Variants in SLIT2 observed in about 807,000 individuals in gnomAD.
The protein encoded by SLIT2 is slit homolog 2 protein.
A neutral mutation model predicts 185.7 loss-of-function variants in SLIT2; 41 were observed. The observed-to-expected ratio is 0.22, with a 90% CI of 0.17 to 0.29. SLIT2 has a LOEUF of 0.29. SLIT2 is among the 10% of genes least tolerant of loss of function. The pLI, the probability that SLIT2 is intolerant of heterozygous loss-of-function variation, is 1.00. For missense variants in SLIT2, 1,571 were observed against 1,909.0 expected (o/e 0.82, Z 3.30); for synonymous variants, 693 against 680.2 (o/e 1.02, Z -0.29).
intron 5 of SLIT2, among the ~76,000 whole-genome samples, chr4:20,472,380 A>AAGCCT (rs1560453603): frequency 5.3e-5 from 2 of 37,460 alleles, no homozygotes; most frequent in African/African-American, 2.4e-4. Context: ...CTATATCTAT[A>AAGCCT]TATATGTAGA....
rs370122919 is a variant in SLIT2 at position 20,354,886 on chromosome 4, CGTGTGTGT to C, written c.395+86019_395+86026del. Among the ~76,000 whole-genome samples, 420 of 135,986 alleles carry C rather than the reference CGTGTGTGT, an allele frequency of 3.1e-3. 1 individual carries two copies. The highest frequency in any genetic ancestry group is 4.3e-3 in the Non-Finnish European group (274 of 64,172). 89.2% of individuals were successfully genotyped at this position (135,986 alleles called of 152,430 possible). A position where few individuals can be genotyped will look rare whatever the true frequency, so the allele number is the denominator to read the frequency against. ...AAAATGGACACGTGTGGCAAGTCTG[CGTGTGTGT>C]GTGTGTGTGTGTGAGAGAGAGAGAG... On this transcript the variant is annotated intron_variant, in intron 4 of 36. Coordinates refer to ENST00000504154, the MANE Select transcript of SLIT2 (RefSeq NM_004787.4).
At chr4:20,304,288 AAAGG>A (rs1278001626) in intron 4 of SLIT2, among the ~76,000 whole-genome samples, 1 of 152,306 alleles carries the variant, frequency 6.6e-6, no homozygotes, top group East Asian at 1.9e-4. Context: ...AAAACGAAAG[AAAGG>A]AAGGAAAAAA....
At chr4:20,302,703 C>T (rs1717169423) in intron 4 of SLIT2, among the ~76,000 whole-genome samples, 1 of 152,002 alleles carries the variant, frequency 6.6e-6, no homozygotes, top group African/African-American at 2.4e-5. Context: ...ATCCAGTGAC[C>T]AAGAGAGGAG....
intron 24 of SLIT2, among the ~76,000 whole-genome samples, chr4:20,550,591 A>G (rs1723651492): frequency 6.6e-6 from 1 of 152,028 alleles, no homozygotes; most frequent in Non-Finnish European, 1.5e-5. Flanking sequence ...TTTTCTTTTA[A>G]TACATTTTTA....
intron 4 of SLIT2, among the ~76,000 whole-genome samples, chr4:20,303,034 A>G (rs1045202256): frequency 2.6e-5 from 4 of 152,200 alleles, no homozygotes; most frequent in African/African-American, 9.7e-5. Flanking sequence ...AAAGTTTAAG[A>G]CATATTTTAT....
chr4:20,595,724 T>C lies in SLIT2; in HGVS notation c.3210T>C (p.Gly1070=). 1 of 1,614,144 alleles carries C rather than the reference T, an allele frequency of 6.2e-7. No individual in the cohort carries two copies. Among genetic ancestry groups the C allele is most frequent in the Non-Finnish European group, 8.5e-7 (1 of 1,180,010 alleles). The change falls in exon 31 of 37, where the codon GGT becomes GGC. Residue 1070 remains glycine, a synonymous_variant. Coordinates refer to ENST00000504154, the MANE Select transcript of SLIT2 (RefSeq NM_004787.4). The stretch of plus-strand genomic sequence containing the variant: ...GTGACTGCACACCAGGGTACGTAGG[T>C]GAACACTGCGACATCGATTTTGACG... ...FKCDCTPGYV[G]EHCDIDFDDC...
chr4:20,434,237 C>G (rs1011343237), intron 4 of SLIT2, among the ~76,000 whole-genome samples: 1 of 152,164 alleles, frequency 6.6e-6, no homozygotes, highest in East Asian at 1.9e-4. Context: ...CCTGTAATCC[C>G]AGCACTTTGG....
chr4:20,507,392 G>C (rs1719311616), intron 9 of SLIT2, among the ~76,000 whole-genome samples: 1 of 151,760 alleles, frequency 6.6e-6, no homozygotes, highest in African/African-American at 2.4e-5. Context: ...AAATTTTCCA[G>C]GGAAAATCTT....
intron 4 of SLIT2, among the ~76,000 whole-genome samples, chr4:20,455,082 T>C (rs1712914270): frequency 6.6e-6 from 1 of 152,176 alleles, no homozygotes; most frequent in African/African-American, 2.4e-5. Context: ...TACATTCAGC[T>C]CTGTTATTAG....
intron 9 of SLIT2, among the ~76,000 whole-genome samples, chr4:20,501,744 T>G (rs1482755193): frequency 6.6e-6 from 1 of 152,234 alleles, no homozygotes; most frequent in African/African-American, 2.4e-5. Context: ...GAGTTCACTA[T>G]TAATCATTTG....
chr4:20,390,939 G>GA (rs1725367868), intron 4 of SLIT2, among the ~76,000 whole-genome samples: 1 of 151,674 alleles, frequency 6.6e-6, no homozygotes, highest in African/African-American at 2.4e-5. Flanking sequence ...AAGTTCATTG[G>GA]AAAAAATACA....
chr4:20,397,511 A>G (rs115135135), intron 4 of SLIT2, among the ~76,000 whole-genome samples: 144 of 151,868 alleles, frequency 9.5e-4, no homozygotes, highest in African/African-American at 3.2e-3. Flanking sequence ...CTTCCAGGGA[A>G]TGCTGCGTTG....
chr4:20,364,301 A>G, intron 4 of SLIT2: 9 of 983,988 alleles, frequency 9.1e-6, no homozygotes, highest in African/African-American at 1.7e-5. Flanking sequence ...ATTAATTTCA[A>G]TAATGGTTCA....
intron 4 of SLIT2, among the ~76,000 whole-genome samples, chr4:20,441,419 C>T (rs1729727076): frequency 6.6e-6 from 1 of 151,930 alleles, no homozygotes; most frequent in Admixed American, 6.6e-5. Flanking sequence ...AGCTTGCTTG[C>T]CCCCAGTGTG....
chr4:20,345,537 C>CTTTTTTTTTTTTTT (rs149402460), intron 4 of SLIT2, among the ~76,000 whole-genome samples: 2 of 112,318 alleles, frequency 1.8e-5, no homozygotes, highest in African/African-American at 7.0e-5. Context: ...TTCCTTTTTT[C>CTTTTTTTTTTTTTT]TTTTTTCTTT....
chr4:20,606,283 C>A lies in SLIT2; in HGVS notation c.3693-3730C>A, dbSNP rs559446522. On this transcript the variant is annotated intron_variant, in intron 33 of 36. Transcript: ENST00000504154. ...GCCAAGCCAGGAAGATCACTTGAGA[C>A]CAGCCTGGGAAACATGGCAATACCC... is the stretch of plus-strand genomic sequence containing the variant. Among the ~76,000 whole-genome samples the A allele has an allele frequency of 8.5e-5, 13 of 152,170 alleles. No individual in the cohort carries two copies. In the South Asian group the frequency reaches 2.7e-3, roughly 32 times the overall value.
intron 4 of SLIT2, among the ~76,000 whole-genome samples, chr4:20,451,928 G>T (rs190937995): frequency 6.6e-6 from 1 of 152,294 alleles, no homozygotes; most frequent in Admixed American, 6.5e-5. Flanking sequence ...TAAGTATGAT[G>T]AGTTAAAATA....
At chr4:20,536,819 A>G (rs1722342989) in intron 18 of SLIT2, among the ~76,000 whole-genome samples, 1 of 151,162 alleles carries the variant, frequency 6.6e-6, no homozygotes. Flanking sequence ...TCTTTTCTTT[A>G]TTCTTTTCTG....
intron 4 of SLIT2, among the ~76,000 whole-genome samples, chr4:20,297,171 C>T (rs1052577460): frequency 1.3e-5 from 2 of 152,010 alleles, no homozygotes; most frequent in East Asian, 1.9e-4. Context: ...TTTATAATAG[C>T]CTGCTTTAAT....
Sources: allele counts gnomAD v4.1 joint callset (sites outside exome capture counted in the v4.1 genomes callset), GRCh38; gene constraint gnomAD v4.1.1; transcripts MANE v1.5; gene names NCBI Gene and HGNC (gene_info 2026-07-23, HGNC 2026-07-21).